CHN1: variants seen among roughly 807,000 people sequenced by gnomAD.
CHN1 encodes N-chimaerin.
A neutral mutation model predicts 59.5 loss-of-function variants in CHN1; 37 were observed. The observed-to-expected ratio is 0.62, with a 90% confidence interval of 0.48 to 0.82. The LOEUF is 0.82. CHN1 is among the 40% of genes least tolerant of loss of function. The probability of loss-of-function intolerance (pLI) is 0.00; values close to 1 mark genes in which losing one functional copy is unlikely to be tolerated. For synonymous variants in CHN1, 206 were observed against 200.4 expected (o/e 1.03, Z -0.24); for missense variants, 469 against 571.0 (o/e 0.82, Z 1.82).
At chr2:174,814,071 G>A (rs1681911209) in intron 8 of CHN1, among the ~76,000 whole-genome samples, 1 of 152,138 alleles carries the variant, frequency 6.6e-6, no homozygotes, top group African/African-American at 2.4e-5. Flanking sequence ...TGTAGACACT[G>A]CCAACTTGAA....
intron 3 of CHN1, among the ~76,000 whole-genome samples, chr2:174,940,791 TAAC>T (rs2105399445): frequency 6.6e-6 from 1 of 152,322 alleles, no homozygotes; most frequent in Admixed American, 6.5e-5. Flanking sequence ...TCTATGCAAT[TAAC>T]AAATAATTGG....
At chr2:174,819,181 A>G (rs947734890) in intron 8 of CHN1, among the ~76,000 whole-genome samples, 18 of 152,194 alleles carry the variant, frequency 1.2e-4, no homozygotes, top group African/African-American at 4.3e-4. Flanking sequence ...AGTCTTACCA[A>G]TTTCTCACTG....
At chr2:174,936,314 C>CT (rs1689493563) in intron 3 of CHN1, among the ~76,000 whole-genome samples, 3 of 152,138 alleles carry the variant, frequency 2.0e-5, no homozygotes, top group Non-Finnish European at 4.4e-5. Flanking sequence ...AGTGCGTCCA[C>CT]TTTGAGGGTC....
chr2:174,947,565 GCC>G (rs1689883721), intron 2 of CHN1, among the ~76,000 whole-genome samples: 1 of 149,586 alleles, frequency 6.7e-6, no homozygotes, highest in Non-Finnish European at 1.5e-5. Flanking sequence ...ACTCACTGCA[GCC>G]TCAACCTCCC....
chr2:174,986,970 T>G (rs1201426549), intron 1 of CHN1, among the ~76,000 whole-genome samples: 1 of 152,126 alleles, frequency 6.6e-6, no homozygotes, highest in African/African-American at 2.4e-5. Context: ...TCTCCTGACC[T>G]CATGGTCTGC....
chr2:174,910,847 C>G (rs568530536), intron 5 of CHN1, among the ~76,000 whole-genome samples: 1 of 128,882 alleles, frequency 7.8e-6, no homozygotes, highest in South Asian at 2.4e-4. Context: ...TTGCAGTGAG[C>G]GGAGATCGCG....
intron 3 of CHN1, among the ~76,000 whole-genome samples, chr2:174,925,310 T>C (rs1246494910): frequency 6.6e-6 from 1 of 152,174 alleles, no homozygotes; most frequent in Non-Finnish European, 1.5e-5. Context: ...GGCAATAAGA[T>C]ACCAAATTCC....
intron 7 of CHN1, among the ~76,000 whole-genome samples, chr2:174,846,135 C>T (rs1028103284): frequency 9.2e-5 from 14 of 152,148 alleles, no homozygotes; most frequent in Non-Finnish European, 1.8e-4. Flanking sequence ...CACCACCTCA[C>T]GTTGTTTAAT....
intron 7 of CHN1, among the ~76,000 whole-genome samples, chr2:174,833,542 C>A (rs1234500444): frequency 1.3e-5 from 2 of 152,088 alleles, no homozygotes; most frequent in African/African-American, 4.8e-5. Flanking sequence ...ATGTGGGTTT[C>A]CTGTACACAG....
Position 174,933,302 on chromosome 2 carries a change from G to A in CHN1, c.114+11586C>T, listed in dbSNP as rs563162635. Among the ~76,000 whole-genome samples, 169 of 152,282 alleles carry A rather than the reference G, an allele frequency of 1.1e-3. 1 individual carries two copies. The highest frequency in any genetic ancestry group is 3.6e-3 in the African/African-American group (150 of 41,546). ...AAGTAAATATAGGTAGAGAAGAGAA[G>A]AGGAGAGGATTTGGGGGCACCCCAA... On this transcript the variant is annotated intron_variant, in intron 3 of 12. Transcript: ENST00000409900.
intron 11 of CHN1, among the ~76,000 whole-genome samples, chr2:174,807,658 T>C (rs1347510679): frequency 6.6e-6 from 1 of 152,114 alleles, no homozygotes; most frequent in Non-Finnish European, 1.5e-5. Flanking sequence ...CTTTCTAACC[T>C]AATGCTTTGA....
chr2:175,004,703 C>G (rs1441108221), intron 1 of CHN1, among the ~76,000 whole-genome samples, 191 bp downstream of exon 1: 2 of 151,938 alleles, frequency 1.3e-5, no homozygotes, highest in East Asian at 1.9e-4. Flanking sequence ...TCGGCCCTGC[C>G]GGGAGAGGAA....
intron 7 of CHN1, among the ~76,000 whole-genome samples, chr2:174,834,698 C>A (rs913788559): frequency 6.6e-6 from 1 of 151,964 alleles, no homozygotes; most frequent in African/African-American, 2.4e-5. Flanking sequence ...TGTGTGAGTA[C>A]CAGTGAAAAA....
intron 1 of CHN1, among the ~76,000 whole-genome samples, chr2:174,988,281 C>T (rs1016324706): frequency 7.4e-5 from 11 of 149,570 alleles, no homozygotes; most frequent in Admixed American, 3.4e-4. Flanking sequence ...GGCGTGAACC[C>T]GGGAGGCGGA....
intron 8 of CHN1, among the ~76,000 whole-genome samples, chr2:174,818,842 A>G (rs1206018011): frequency 6.6e-6 from 1 of 152,210 alleles, no homozygotes; most frequent in East Asian, 1.9e-4. Context: ...CAGGTTTTAT[A>G]TCTAGAAAGC....
intron 3 of CHN1, among the ~76,000 whole-genome samples, chr2:174,929,471 G>A (rs549398805): frequency 1.3e-5 from 2 of 152,190 alleles, no homozygotes; most frequent in East Asian, 1.9e-4. Context: ...TCAGCTACTC[G>A]GGAGGCTGAG....
At chr2:174,975,143 G>A (rs985148408) in intron 1 of CHN1, among the ~76,000 whole-genome samples, 1 of 152,042 alleles carries the variant, frequency 6.6e-6, no homozygotes, top group Non-Finnish European at 1.5e-5. Context: ...GTAGCAAAAA[G>A]CTGACACAAT....
intron 8 of CHN1, among the ~76,000 whole-genome samples, chr2:174,821,251 T>G (rs1017516586): frequency 6.6e-6 from 1 of 152,186 alleles, no homozygotes. Context: ...CTTCTTTCCT[T>G]GCCTTTTCCA....
intron 5 of CHN1, among the ~76,000 whole-genome samples, chr2:174,879,859 G>C (rs1463481840): frequency 6.6e-6 from 1 of 152,132 alleles, no homozygotes; most frequent in Non-Finnish European, 1.5e-5. Flanking sequence ...CCAAGCAATG[G>C]TGTCAGTCAT....
Sources: gnomAD v4.1 joint callset for allele counts (sites outside exome capture counted in the v4.1 genomes callset) on GRCh38, gnomAD v4.1.1 for gene constraint, MANE v1.5 for transcripts, NCBI Gene and HGNC (gene_info 2026-07-23, HGNC 2026-07-21) for gene names.